The following SZT2 variants were observed in gnomAD, a reference collection of about 807,000 sequenced individuals.
The protein encoded by SZT2 is KICSTOR complex protein SZT2.
SZT2 carries 216 observed loss-of-function variants against 404.2 expected under a neutral mutation model. The ratio of observed to expected loss-of-function variants is 0.53; its 90% CI spans 0.48 to 0.60. The LOEUF is 0.60. SZT2 is among the 20% of genes least tolerant of loss of function. The probability of loss-of-function intolerance (pLI) is 0.00; values close to 1 mark genes in which losing one functional copy is unlikely to be tolerated. For synonymous variants in SZT2, 1,693 were observed against 1,749.9 expected (o/e 0.97, Z 0.81); for missense variants, 3,857 against 4,459.2 (o/e 0.86, Z 3.85).
rs1233276297 is a variant in SZT2 at position 43,403,237 on chromosome 1, G to A, written c.88G>A (p.Val30Ile). ...MKKDYRISRN[V>I]RLAWFLSHLH... ...AAAGGATTATCGAATCTCCCGAAATGTTCGCCTGGCTTGGTTCCTCAGTCA... is the reference window on the plus strand; with the variant it reads ...AAAGGATTATCGAATCTCCCGAAATATTCGCCTGGCTTGGTTCCTCAGTCA... Residue 30 changes from valine (V) to isoleucine (I), a missense_variant, in exon 2 of 72, where the codon GTT (valine) becomes ATT (isoleucine). By Grantham distance (29) the Val-to-Ile change is conservative. Coordinates refer to ENST00000634258, the MANE Select transcript of SZT2 (RefSeq NM_001365999.1). The A allele has an allele frequency of 1.9e-6, 3 of 1,614,058 alleles. No individual in the cohort carries two copies. In the African/African-American group the frequency reaches 4.0e-5, roughly 22 times the overall value.
At position 43,427,250 on chromosome 1, in the gene SZT2, G is replaced by C. The variant is rs1653270665; in HGVS notation, c.3434-31G>C. 7 of 1,604,392 alleles carry C rather than the reference G, an allele frequency of 4.4e-6. No homozygotes were observed. The Admixed American group carries it at 8.5e-5, about 19-fold the overall frequency. ...CTGAGCTCCCTCACTGGCCCACCAG[G>C]CAGCTCTGATTTATGTCTGATCCTC... is the stretch of plus-strand genomic sequence containing the variant. On this transcript the variant is annotated intron_variant, in intron 24 of 71. Coordinates refer to ENST00000634258, the MANE Select transcript of SZT2 (RefSeq NM_001365999.1).
chr1:43,430,951 C>T lies in SZT2; in HGVS notation c.4777C>T (p.Gln1593Ter), dbSNP rs1557568336. ...TGCTAACTTTCCCCCTCTCCCAGGC[C>T]AGGTGCTTTCCAGTCTGGAGGGCCC... Reference protein sequence around the residue: ...PVCSLPTCLGQVLSSLEGPPV... With the variant: ...PVCSLPTCLG The change falls in exon 33 of 72, where the codon CAG becomes TAG. Residue 1593 changes from glutamine (Q) to a stop codon, truncating the protein, a stop_gained and splice_region_variant. Transcript: ENST00000634258. LOFTEE classifies it high-confidence loss of function. The T allele has an allele frequency of 6.2e-7, 1 of 1,612,468 alleles. No individual in the cohort carries two copies. The highest frequency in any genetic ancestry group is 8.5e-7 in the Non-Finnish European group (1 of 1,179,354).
chr1:43,419,703 A>T (rs1219942432), intron 7 of SZT2, 31 bp from the exon 8 acceptor site: 3 of 1,565,046 alleles, frequency 1.9e-6, no homozygotes, highest in East Asian at 4.5e-5. Context: ...CCTCTGTCAG[A>T]GCTAGGTCTT....
At position 43,404,410 on chromosome 1, in the gene SZT2, G is replaced by A; in HGVS notation, c.358G>A (p.Glu120Lys). Residue 120 changes from glutamate to lysine, a missense_variant, in exon 4 of 72, where the codon GAA becomes AAA. Around this residue, in one of 7 missense-constraint regions of SZT2, gnomAD observed 536 missense variants for 637.4 expected, o/e 0.84. Coordinates refer to ENST00000634258, the MANE Select transcript of SZT2 (RefSeq NM_001365999.1). The stretch of plus-strand genomic sequence containing the variant: ...TTCCACAGGGGAGATCTTGTTTGAT[G>A]AAGTTTTCCATGCCCTGTCCCGCTG... The part of the protein sequence containing the change: ...DDSTGEILFD[E>K]VFHALSRCLG... 6.2e-7 allele frequency: 1 copy of A among 1,613,850 alleles called. No homozygotes were observed. Among genetic ancestry groups the A allele is most frequent in the Non-Finnish European group, 8.5e-7 (1 of 1,179,906 alleles).
At chr1:43,432,955 C>T (rs369034029) in intron 39 of SZT2, 34 bp from the exon 40 acceptor site, 20 of 1,610,258 alleles carry the variant, frequency 1.2e-5, no homozygotes, top group Middle Eastern at 1.7e-4. Context: ...GGCCCAGCTT[C>T]GGATGGGATT....
chr1:43,453,587 C>T lies in SZT2; in HGVS notation c.*3107C>T. 6.6e-7 allele frequency: 1 copy of T among 1,520,132 alleles called. No individual in the cohort carries two copies. The highest frequency in any genetic ancestry group is 8.8e-7 in the Non-Finnish European group (1 of 1,133,322). The allele number at this position is 1,520,132 out of a possible 1,614,324, so 94.2% of individuals were successfully genotyped here. On this transcript the variant is annotated 3_prime_UTR_variant, in exon 72 of 72. Transcript: ENST00000634258. Reference sequence around the variant, plus strand: ...CAGCCCTCCCAGCCCTCCCGGCCCGCGACGCACCCGGGGGCGTGTTGATCA... The same window carrying T: ...CAGCCCTCCCAGCCCTCCCGGCCCGTGACGCACCCGGGGGCGTGTTGATCA...
At chr1:43,418,238 A>C (rs891113068) in intron 7 of SZT2, among the ~76,000 whole-genome samples, 2 of 152,188 alleles carry the variant, frequency 1.3e-5, no homozygotes, top group African/African-American at 4.8e-5. Flanking sequence ...TACAGGGTAA[A>C]GGAGTGTTGT....
rs1655235826 is a variant in SZT2, at chr1:43,442,948, A to G, written c.8281A>G (p.Thr2761Ala). The G allele has an allele frequency of 5.6e-6, 9 of 1,614,112 alleles. No homozygotes were observed. Among genetic ancestry groups the G allele is most frequent in the Non-Finnish European group, 7.6e-6 (9 of 1,180,008 alleles). ...SRGGGPLPLD[T>A]FPFDEALRDI... ...TGGTGGGGGTCCTCTTCCCCTGGAC[A>G]CATTCCCCTTTGACGAGGCCCTAAG... The change falls in exon 59 of 72, where the codon ACA becomes GCA. Residue 2761 changes from threonine (T) to alanine (A), a missense_variant. Thr to Ala is a moderately conservative substitution (Grantham distance 58). Coordinates refer to ENST00000634258, the MANE Select transcript of SZT2 (RefSeq NM_001365999.1). The surrounding 1 kb of genome is among the most constrained non-coding windows in gnomAD (Gnocchi z 4.5).
rs180810470 is a variant in SZT2 at position 43,424,370 on chromosome 1, G to A, written c.2409G>A (p.Pro803=). 5.6e-5 allele frequency: 90 copies of A among 1,598,078 alleles called. No homozygotes were observed. In the East Asian group the frequency reaches 1.2e-3, roughly 21 times the overall value. Residue 803 remains proline (P), a synonymous_variant, in exon 16 of 72, where the codon CCG becomes CCA. Transcript: ENST00000634258. The surrounding 1 kb of genome is among the most constrained non-coding windows in gnomAD (Gnocchi z 4.1). ...ATCAGCGCTGGCTTTGGAGTGTCCC[G>A]TCAGGACTGGCCCCTGCGCTGCCTC... ...LYHQRWLWSV[P]SGLAPALPLS... is the part of the protein sequence containing the mutation.
rs939778800 is a variant in SZT2, at chr1:43,435,295, C to G, written c.6000C>G (p.Phe2000Leu). Reference sequence around the variant, plus strand: ...ATCTGTGGCGCAGTGAGACTCCCTTCCACTCCCGTCAGCGGGCACCACTGC... The same window carrying G: ...ATCTGTGGCGCAGTGAGACTCCCTTGCACTCCCGTCAGCGGGCACCACTGC... ...EEDLWRSETP[F>L]HSRQRAPLPS... Residue 2000 changes from phenylalanine (F) to leucine (L), a missense_variant, in exon 42 of 72, where the codon TTC becomes TTG. By Grantham distance (22) the Phe-to-Leu change is conservative. Coordinates refer to ENST00000634258, the MANE Select transcript of SZT2 (RefSeq NM_001365999.1). 3 of 1,614,248 alleles carry G rather than the reference C, an allele frequency of 1.9e-6. No individual in the cohort carries two copies. The highest frequency in any genetic ancestry group is 2.5e-6 in the Non-Finnish European group (3 of 1,180,050).
At chr1:43,422,445 G>A in intron 12 of SZT2, 35 bp from the exon 13 acceptor site, 1 of 1,533,422 alleles carries the variant, frequency 6.5e-7, no homozygotes, top group South Asian at 1.2e-5. Context: ...CCTGGGGCCT[G>A]GAGGTCTAAC....
At chr1:43,402,885 C>T (rs1649848571) in intron 1 of SZT2, among the ~76,000 whole-genome samples, 1 of 152,198 alleles carries the variant, frequency 6.6e-6, no homozygotes, top group Admixed American at 6.5e-5. Flanking sequence ...GACACAGCCC[C>T]TGCCCTCAAA....
chr1:43,439,224 G>T lies in SZT2; in HGVS notation c.6792+131G>T. On this transcript the variant is annotated intron_variant, in intron 48 of 71. Coordinates refer to ENST00000634258, the MANE Select transcript of SZT2 (RefSeq NM_001365999.1). This position sits in a 1 kb window ranked among gnomAD's most constrained non-coding sequence, Gnocchi z 4.2. ...CCTGGGTACACCCATGCCCCCCCGG[G>T]GACCATTATTACCCGCCTGTGTCTT... The T allele has an allele frequency of 6.5e-7, 1 of 1,527,146 alleles. No individual in the cohort carries two copies. 94.6% of individuals were successfully genotyped at this position (1,527,146 alleles called of 1,614,324 possible). A position where few individuals can be genotyped will look rare whatever the true frequency, so the allele number is the denominator to read the frequency against.
In SZT2 at chr1:43,426,552, A is replaced by G; in HGVS notation, c.3214+14A>G. ...GCCACGTTCCAGGTGAGTTCCCCACATCCTCCTGACACCAGACCCTGGCCC... is the reference window on the plus strand; with the variant it reads ...GCCACGTTCCAGGTGAGTTCCCCACGTCCTCCTGACACCAGACCCTGGCCC... On this transcript the variant is annotated intron_variant, in intron 22 of 71. Coordinates refer to ENST00000634258, the MANE Select transcript of SZT2 (RefSeq NM_001365999.1). This position sits in a 1 kb window ranked among gnomAD's most constrained non-coding sequence, Gnocchi z 4.9. 5.2e-6 allele frequency: 8 copies of G among 1,550,622 alleles called. No homozygotes were observed. The highest frequency in any genetic ancestry group is 6.1e-6 in the Non-Finnish European group (7 of 1,151,958).
At chr1:43,447,291 C>T in intron 66 of SZT2, 123 bp downstream of exon 66, 4 of 1,188,402 alleles carry the variant, frequency 3.4e-6, no homozygotes, top group Non-Finnish European at 4.7e-6. Flanking sequence ...TCTCATGTCA[C>T]ACATACCACG....
Position 43,452,285 on chromosome 1 carries a change from C to T in SZT2, c.*1805C>T, listed in dbSNP as rs1366088759. ...TCAGCCTTGACTGCTATTCGATCAG[C>T]TCCCTGGGGTACTCGGCCAGCCATC... On this transcript the variant is annotated 3_prime_UTR_variant, in exon 72 of 72. Transcript: ENST00000634258. 2 of 1,613,976 alleles carry T rather than the reference C, an allele frequency of 1.2e-6. No individual in the cohort carries two copies. The highest frequency in any genetic ancestry group is 1.3e-5 in the African/African-American group (1 of 74,942).
At position 43,437,763 on chromosome 1, in the gene SZT2, G is replaced by C. The variant is rs766528438; in HGVS notation, c.6397-28G>C. ...CTCTTGCACTTTGCTCTCTGGAACC[G>C]GGGCCCTGACCACAGTTTTCCCTGT... is the stretch of plus-strand genomic sequence containing the variant. On this transcript the variant is annotated intron_variant, in intron 45 of 71. Coordinates refer to ENST00000634258, the MANE Select transcript of SZT2 (RefSeq NM_001365999.1). The surrounding 1 kb of genome is among the most constrained non-coding windows in gnomAD (Gnocchi z 5.3). The C allele has an allele frequency of 6.2e-7, 1 of 1,613,894 alleles. No individual in the cohort carries two copies.
In SZT2 at chr1:43,437,253, CGTT is replaced by C. The variant is rs746200792; in HGVS notation, c.6120_6122del (p.Val2041del). 4.7e-5 allele frequency: 76 copies of C among 1,613,978 alleles called. No individual in the cohort carries two copies. The highest frequency in any genetic ancestry group is 2.2e-5 in the East Asian group (1 of 44,892). ...TTGTCCCTGGCCATTTCTCCTGTGA[CGTT>C]GTGTGGGGAACTGTGATCCGAGTCC... On this transcript the variant is annotated inframe_deletion, in exon 43 of 72. Transcript: ENST00000634258. The surrounding 1 kb of genome is among the most constrained non-coding windows in gnomAD (Gnocchi z 5.3).
In SZT2 at chr1:43,437,442, C is replaced by T; in HGVS notation, c.6224C>T (p.Ser2075Phe). ...QALRSVLNAF[S>F]VVNRKNMFVY... ...CTGCGCTCTGTGCTCAATGCCTTCT[C>T]TGTGGTGAACCGGAAAAACATGTTT... is the stretch of plus-strand genomic sequence containing the variant. Residue 2075 changes from serine (S) to phenylalanine (F), a missense_variant, in exon 44 of 72, where the codon TCT (serine) becomes TTT (phenylalanine). Physicochemically the swap from Ser to Phe is radical, Grantham distance 155. This residue lies in a region of SZT2 where 261 missense variants were observed against 372.9 expected (regional missense o/e 0.70). Coordinates refer to ENST00000634258, the MANE Select transcript of SZT2 (RefSeq NM_001365999.1). The surrounding 1 kb of genome is among the most constrained non-coding windows in gnomAD (Gnocchi z 5.3). 6.2e-7 allele frequency: 1 copy of T among 1,614,166 alleles called. No individual in the cohort carries two copies. Among genetic ancestry groups the T allele is most frequent in the Non-Finnish European group, 8.5e-7 (1 of 1,180,032 alleles).
Sources: gnomAD v4.1 joint callset for allele counts (sites outside exome capture counted in the v4.1 genomes callset) on GRCh38, gnomAD v4.1.1 for gene constraint, gnomAD v4.1.1 regional missense constraint, Gnocchi (gnomAD v3.1) non-coding constraint, MANE v1.5 for transcripts, NCBI Gene and HGNC (gene_info 2026-07-23, HGNC 2026-07-21) for gene names.